Variants in JAZF1 observed in about 807,000 individuals in gnomAD.
JAZF1 encodes the protein JAZF zinc finger 1.
Under a neutral mutation model 26.4 loss-of-function variants are expected in JAZF1, and 8 were observed. That is an observed-to-expected ratio of 0.30 (90% CI 0.18 to 0.55). The LOEUF (loss-of-function observed/expected upper bound fraction) is 0.55. Ranked by LOEUF, JAZF1 falls within the 20% of genes least tolerant of loss-of-function variation. The pLI, the probability that JAZF1 is intolerant of heterozygous loss-of-function variation, is 0.94. For synonymous variants in JAZF1, 126 were observed against 122.3 expected, an observed-to-expected ratio of 1.03 and a Z score of -0.20; for missense variants, 199 against 322.0, an observed-to-expected ratio of 0.62 and a Z score of 2.92.
chr7:27,857,354 A>G (rs907366664), intron 3 of JAZF1, among the ~76,000 whole-genome samples: 1 of 152,162 alleles, frequency 6.6e-6, no homozygotes, highest in African/African-American at 2.4e-5. Context: ...GCTGGCCTGC[A>G]AGTGCCGCCC....
At chr7:28,176,912 C>T (rs917174957) in intron 1 of JAZF1, among the ~76,000 whole-genome samples, 5 of 151,954 alleles carry the variant, frequency 3.3e-5, no homozygotes, top group African/African-American at 1.2e-4. Flanking sequence ...CTAAGATTCC[C>T]AGTTACCAGT....
In JAZF1 at chr7:27,928,999, G is replaced by A. The variant is rs191647127; in HGVS notation, c.189-33583C>T. Among the ~76,000 whole-genome samples, 623 of 152,328 alleles carry A rather than the reference G, an allele frequency of 4.1e-3. 3 individuals carry two copies. Among genetic ancestry groups the A allele is most frequent in the South Asian group, 7.0e-3 (34 of 4,826 alleles). On this transcript the variant is annotated intron_variant, in intron 2 of 4. Coordinates refer to ENST00000283928, the MANE Select transcript of JAZF1 (RefSeq NM_175061.4). ...AGTTGGTGACAGGAAGGGCATGGACGATGCTCACCTACAGGCTCAAAATCT... is the reference window on the plus strand; with the variant it reads ...AGTTGGTGACAGGAAGGGCATGGACAATGCTCACCTACAGGCTCAAAATCT...
chr7:28,120,501 CTTTTTTTTT>C lies in JAZF1; in HGVS notation c.115+59953_115+59961del, dbSNP rs58448766. Among the ~76,000 whole-genome samples the C allele has an allele frequency of 1.8e-3, 104 of 59,018 alleles. 4 individuals are homozygous for C. The highest frequency in any genetic ancestry group is 0.013 in the East Asian group (12 of 918). The allele number at this position is 59,018 out of a possible 152,430, so 38.7% of individuals were successfully genotyped here. ...TCTGAACCACTAGCCACACACAGTT[CTTTTTTTTT>C]TTTTTTTTTTTTTTTTGAGACAGAG... On this transcript the variant is annotated intron_variant, in intron 1 of 4. Transcript: ENST00000283928.
intron 1 of JAZF1, among the ~76,000 whole-genome samples, chr7:28,175,406 G>A (rs1317707846): frequency 2.6e-5 from 4 of 152,154 alleles, no homozygotes; most frequent in South Asian, 2.1e-4. Context: ...TTATTTAGCA[G>A]ATACACAAAT....
chr7:27,894,889 A>G (rs976044950), intron 3 of JAZF1, among the ~76,000 whole-genome samples: 9 of 152,332 alleles, frequency 5.9e-5, no homozygotes, highest in African/African-American at 1.9e-4. Flanking sequence ...GAAAACGTTC[A>G]TAATATATTT....
At chr7:28,016,258 T>A (rs891625423) in intron 1 of JAZF1, among the ~76,000 whole-genome samples, 1 of 152,206 alleles carries the variant, frequency 6.6e-6, no homozygotes, top group Admixed American at 6.5e-5. Flanking sequence ...TGATGATGCA[T>A]CAAGTCACTT....
intron 2 of JAZF1, among the ~76,000 whole-genome samples, chr7:27,917,115 T>A (rs1277023525): frequency 6.6e-6 from 1 of 152,234 alleles, no homozygotes; most frequent in Non-Finnish European, 1.5e-5. Flanking sequence ...TACAGGCTCT[T>A]ACTATGCATT....
intron 2 of JAZF1, among the ~76,000 whole-genome samples, chr7:27,909,429 G>A (rs1358651396): frequency 4.6e-5 from 7 of 151,866 alleles, no homozygotes; most frequent in East Asian, 1.9e-4. Context: ...ACCACTGGCC[G>A]GGCGCGGTGG....
intron 1 of JAZF1, among the ~76,000 whole-genome samples, chr7:28,067,987 C>A (rs1013155177): frequency 1.3e-5 from 2 of 152,192 alleles, no homozygotes; most frequent in African/African-American, 4.8e-5. Context: ...GATCTCAGCT[C>A]ACTGAAACCT....
chr7:28,092,463 G>T (rs1784318590), intron 1 of JAZF1, among the ~76,000 whole-genome samples: 1 of 151,048 alleles, frequency 6.6e-6, no homozygotes, highest in Non-Finnish European at 1.5e-5. Flanking sequence ...GTTCAGAAAG[G>T]GATAAGCAAT....
intron 2 of JAZF1, among the ~76,000 whole-genome samples, chr7:27,959,925 G>A (rs1422440602): frequency 6.6e-6 from 1 of 151,714 alleles, no homozygotes; most frequent in Non-Finnish European, 1.5e-5. Flanking sequence ...ATGTGCAGAT[G>A]AGTTTCTTAA....
intron 2 of JAZF1, among the ~76,000 whole-genome samples, chr7:27,926,529 C>A (rs1441440645): frequency 1.3e-5 from 2 of 152,210 alleles, no homozygotes; most frequent in African/African-American, 4.8e-5. Flanking sequence ...AGGTGCTCTA[C>A]TAATTGGAAA....
intron 1 of JAZF1, among the ~76,000 whole-genome samples, chr7:28,175,709 G>A (rs2127955832): frequency 1.3e-5 from 2 of 152,310 alleles, no homozygotes; most frequent in South Asian, 4.1e-4. Context: ...GAGGGGAGGT[G>A]AGGAGGGGAC....
intron 1 of JAZF1, among the ~76,000 whole-genome samples, chr7:28,178,367 A>T (rs1212082821): frequency 1.3e-5 from 2 of 152,216 alleles, no homozygotes; most frequent in Non-Finnish European, 2.9e-5. Flanking sequence ...ACTGTCTTTT[A>T]ACCAGCTTGT....
intron 2 of JAZF1, among the ~76,000 whole-genome samples, chr7:27,900,518 C>A (rs914327993): frequency 5.3e-5 from 8 of 152,200 alleles, no homozygotes; most frequent in African/African-American, 1.9e-4. Flanking sequence ...GTATTTACAC[C>A]ACAGAAACTG....
In JAZF1 at chr7:27,917,698, A is replaced by G. The variant is rs534847863; in HGVS notation, c.189-22282T>C. ...CTGGTCAGGGTACCTGCGAGTGGGG[A>G]AAAGTACTGCAAAGAAGGCTAGCAA... On this transcript the variant is annotated intron_variant, in intron 2 of 4. Coordinates refer to ENST00000283928, the MANE Select transcript of JAZF1 (RefSeq NM_175061.4). Among the ~76,000 whole-genome samples the G allele has an allele frequency of 3.0e-4, 45 of 152,266 alleles. No homozygotes were observed. In the East Asian group the frequency reaches 8.3e-3, roughly 28 times the overall value.
At chr7:27,891,312 G>A (rs1320469818) in intron 3 of JAZF1, among the ~76,000 whole-genome samples, 1 of 152,158 alleles carries the variant, frequency 6.6e-6, no homozygotes, top group Non-Finnish European at 1.5e-5. Context: ...TTCTATAGCT[G>A]CTTGCACATT....
At chr7:28,015,518 A>G (rs1782876145) in intron 1 of JAZF1, among the ~76,000 whole-genome samples, 1 of 152,230 alleles carries the variant, frequency 6.6e-6, no homozygotes, top group Non-Finnish European at 1.5e-5. Context: ...TAAAACAATT[A>G]GGGAACAGAT....
At chr7:27,849,725 G>C (rs1475934120) in intron 3 of JAZF1, among the ~76,000 whole-genome samples, 1 of 86,488 alleles carries the variant, frequency 1.2e-5, no homozygotes, top group Non-Finnish European at 2.4e-5. Flanking sequence ...TCAGTTTCAT[G>C]AATCAATATT....
Sources: allele counts gnomAD v4.1 joint callset (sites outside exome capture counted in the v4.1 genomes callset), GRCh38; gene constraint gnomAD v4.1.1; transcripts MANE v1.5; gene names NCBI Gene and HGNC (gene_info 2026-07-23, HGNC 2026-07-21).